Variants in PRORP observed in about 807,000 individuals in gnomAD.
PRORP encodes mitochondrial ribonuclease P catalytic subunit.
A neutral mutation model predicts 59.4 loss-of-function variants in PRORP; 51 were observed. That is an observed-to-expected ratio of 0.86 (90% CI 0.69 to 1.08). The LOEUF (loss-of-function observed/expected upper bound fraction) is 1.08, where lower values mean the gene tolerates loss of function less well. Among genes scored for constraint, PRORP ranks in the 50% least tolerant of loss-of-function variants. The pLI is 0.00. For synonymous variants in PRORP, 231 were observed against 245.6 expected, an observed-to-expected ratio of 0.94 and a Z score of 0.55; for missense variants, 646 against 690.3, an observed-to-expected ratio of 0.94 and a Z score of 0.72.
intron 7 of PRORP, among the ~76,000 whole-genome samples, chr14:35,271,045 C>T (rs2051174323): frequency 6.6e-6 from 1 of 151,824 alleles, no homozygotes. Context: ...CGAGATCACG[C>T]CACTGCACTC....
intron 5 of PRORP, among the ~76,000 whole-genome samples, chr14:35,213,519 G>A (rs1290096858): frequency 6.6e-6 from 1 of 152,174 alleles, no homozygotes; most frequent in Non-Finnish European, 1.5e-5. Context: ...CTTTTGACCT[G>A]TCTTGGCTTT....
chr14:35,140,366 G>T (rs896580832), intron 4 of PRORP, among the ~76,000 whole-genome samples: 1 of 145,160 alleles, frequency 6.9e-6, no homozygotes, highest in Non-Finnish European at 1.5e-5. Context: ...TATGGTTAAG[G>T]TTAGTCTCTT....
At chr14:35,157,304 G>A (rs2047941407) in intron 4 of PRORP, among the ~76,000 whole-genome samples, 1 of 151,972 alleles carries the variant, frequency 6.6e-6, no homozygotes, top group African/African-American at 2.4e-5. Flanking sequence ...ACATGGGCCA[G>A]ACCTGTGGAT....
chr14:35,185,714 G>A (rs969985592), intron 5 of PRORP, among the ~76,000 whole-genome samples: 2 of 152,178 alleles, frequency 1.3e-5, no homozygotes, highest in Non-Finnish European at 2.9e-5. Context: ...GGTCCTAAAA[G>A]TGTTATAAAA....
intron 5 of PRORP, among the ~76,000 whole-genome samples, chr14:35,188,922 G>C (rs1020645960): frequency 7.6e-6 from 1 of 131,258 alleles, no homozygotes; most frequent in South Asian, 2.4e-4. Flanking sequence ...CCAGCCTGGC[G>C]ACAGAGCAAG....
chr14:35,236,743 C>T (rs2050224211), intron 5 of PRORP, among the ~76,000 whole-genome samples: 1 of 152,124 alleles, frequency 6.6e-6, no homozygotes, highest in Admixed American at 6.5e-5. Flanking sequence ...TTGGTGTTCT[C>T]TGATGTTCTA....
intron 4 of PRORP, among the ~76,000 whole-genome samples, chr14:35,165,200 A>G (rs147825026): frequency 6.6e-6 from 1 of 152,198 alleles, no homozygotes; most frequent in Non-Finnish European, 1.5e-5. Flanking sequence ...TAGTTTTGAG[A>G]TGGGGTCTTA....
rs1471380597 is a variant in PRORP, at chr14:35,274,989, T to C, written c.*1423T>C. The C allele has an allele frequency of 6.6e-6, 1 of 152,170 alleles. No individual in the cohort carries two copies. The highest frequency in any genetic ancestry group is 1.5e-5 in the Non-Finnish European group (1 of 68,052). 9.4% of individuals were successfully genotyped at this position (152,170 alleles called of 1,614,324 possible). A position where few individuals can be genotyped will look rare whatever the true frequency, so the allele number is the denominator to read the frequency against. ...TTCATGATAGTTCTTTCTTTACGTA[T>C]ACATACTGTATTCAATATGCAAGAA... On this transcript the variant is annotated 3_prime_UTR_variant, in exon 8 of 8. Transcript: ENST00000534898.
intron 5 of PRORP, among the ~76,000 whole-genome samples, chr14:35,196,458 A>T (rs4982246): frequency 0.66 from 99,949 of 152,064 alleles, 33,233 homozygotes; most frequent in East Asian, 0.91. Flanking sequence ...GATTGCGCTG[A>T]TGCACTCCAT....
At chr14:35,253,041 A>G (rs1399182376) in intron 5 of PRORP, among the ~76,000 whole-genome samples, 1 of 152,122 alleles carries the variant, frequency 6.6e-6, no homozygotes, top group Non-Finnish European at 1.5e-5. Flanking sequence ...AAAATTGAGA[A>G]ACTTTCTGCT....
chr14:35,235,341 T>C, intron 5 of PRORP: 1 of 703,914 alleles, frequency 1.4e-6, no homozygotes, highest in Non-Finnish European at 2.6e-6. Context: ...AAAGTGTCTT[T>C]GTCTTCCGAG....
At chr14:35,249,074 G>A (rs1197335082) in intron 5 of PRORP, among the ~76,000 whole-genome samples, 2 of 152,148 alleles carry the variant, frequency 1.3e-5, no homozygotes, top group African/African-American at 4.8e-5. Context: ...GTGGTCTTGC[G>A]TTCTCTCAGT....
At chr14:35,270,879 C>T (rs893638539) in intron 7 of PRORP, among the ~76,000 whole-genome samples, 2 of 151,572 alleles carry the variant, frequency 1.3e-5, no homozygotes, top group African/African-American at 2.4e-5. Flanking sequence ...GTCAGGAGAT[C>T]GAGACCATCC....
intron 7 of PRORP, among the ~76,000 whole-genome samples, chr14:35,272,367 C>A (rs771338326): frequency 9.9e-5 from 15 of 152,138 alleles, no homozygotes; most frequent in Non-Finnish European, 2.1e-4. Flanking sequence ...AATCCCAGCA[C>A]TTTGGGAGGC....
At chr14:35,159,645 A>G (rs932435614) in intron 4 of PRORP, among the ~76,000 whole-genome samples, 6 of 152,232 alleles carry the variant, frequency 3.9e-5, no homozygotes, top group Non-Finnish European at 8.8e-5. Flanking sequence ...ACAGTTATTT[A>G]TACATTAAAT....
rs190766392 is a variant in PRORP, at chr14:35,195,294, A to G, written c.1275+14517A>G. Reference sequence around the variant, plus strand: ...CATAAAGATACATAATTTTCATTGTATCTCTGTAATAGCAAAAAATTGGAA... The same window carrying G: ...CATAAAGATACATAATTTTCATTGTGTCTCTGTAATAGCAAAAAATTGGAA... On this transcript the variant is annotated intron_variant, in intron 5 of 7. Transcript: ENST00000534898. 3.3e-4 allele frequency among the ~76,000 whole-genome samples: 51 copies of G among 152,290 alleles called. 1 individual carries two copies. In the East Asian group the frequency reaches 7.7e-3, roughly 23 times the overall value.
At position 35,123,693 on chromosome 14, in the gene PRORP, G is replaced by A; in HGVS notation, c.448G>A (p.Gly150Ser). Reference protein sequence around the residue: ...FESWIISQMAGCHSSIDVAKS... With the variant: ...FESWIISQMASCHSSIDVAKS... ...AAGTTGGATCATTTCACAGATGGCT[G>A]GCTGTCATAGCTCTATAGATGTGGC... Residue 150 changes from glycine (G) to serine (S), a missense_variant, in exon 2 of 8, where the codon GGC (glycine) becomes AGC (serine). Gly to Ser is a moderately conservative substitution (Grantham distance 56). Coordinates refer to ENST00000534898, the MANE Select transcript of PRORP (RefSeq NM_014672.4). The A allele has an allele frequency of 6.2e-7, 1 of 1,614,174 alleles. No individual in the cohort carries two copies. Among genetic ancestry groups the A allele is most frequent in the Non-Finnish European group, 8.5e-7 (1 of 1,180,036 alleles).
At chr14:35,175,590 G>GT (rs1168256744) in intron 4 of PRORP, among the ~76,000 whole-genome samples, 1 of 151,324 alleles carries the variant, frequency 6.6e-6, no homozygotes, top group Non-Finnish European at 1.5e-5. Context: ...TGATGGGGTT[G>GT]TTTTTTTTCT....
intron 5 of PRORP, among the ~76,000 whole-genome samples, chr14:35,201,572 AT>A (rs869080506): frequency 2.9e-5 from 3 of 103,294 alleles, no homozygotes; most frequent in Admixed American, 9.3e-5. Context: ...TTTCTTTATT[AT>A]TTTTTTTTAG....
Sources: gnomAD v4.1 joint callset for allele counts (sites outside exome capture counted in the v4.1 genomes callset) on GRCh38, gnomAD v4.1.1 for gene constraint, MANE v1.5 for transcripts, NCBI Gene and HGNC (gene_info 2026-07-23, HGNC 2026-07-21) for gene names.